DNMT3A: variants seen among roughly 807,000 people sequenced by gnomAD.
DNMT3A encodes the protein DNA methyltransferase 3 alpha, also known as DNA (cytosine-5)-methyltransferase 3A.
In DNMT3A, 267 loss-of-function variants were observed where a neutral mutation model predicts 117.6. The ratio of observed to expected loss-of-function variants is 2.27; its 90% CI spans 2.05 to 2.51. The LOEUF (loss-of-function observed/expected upper bound fraction) is 2.51, where lower values mean the gene tolerates loss of function less well. DNMT3A is among the 30% of genes most tolerant of loss of function. The pLI, the probability that DNMT3A is intolerant of heterozygous loss-of-function variation, is 0.00. For synonymous variants in DNMT3A, 432 were observed against 474.8 expected (o/e 0.91, Z 1.17); for missense variants, 1,029 against 1,260.2 (o/e 0.82, Z 2.78).
chr2:25,255,446 A>C (rs1676026444), intron 6 of DNMT3A, among the ~76,000 whole-genome samples: 1 of 152,248 alleles, frequency 6.6e-6, no homozygotes, highest in Non-Finnish European at 1.5e-5. Context: ...CTGGATGAGA[A>C]GAAAATATGC....
intron 1 of DNMT3A, among the ~76,000 whole-genome samples, chr2:25,336,406 C>G (rs958839893): frequency 1.3e-5 from 2 of 152,104 alleles, no homozygotes; most frequent in African/African-American, 4.8e-5. Flanking sequence ...GAAAAGGGAC[C>G]CTTCTCCACC....
Position 25,247,168 on chromosome 2 carries a change from C to G in DNMT3A, c.1015-10G>C, listed in dbSNP as rs1371960147. 1.2e-6 allele frequency: 2 copies of G among 1,613,030 alleles called. No homozygotes were observed. The highest frequency in any genetic ancestry group is 2.7e-5 in the African/African-American group (2 of 74,862). On this transcript the variant is annotated splice_polypyrimidine_tract_variant and intron_variant, in intron 8 of 22. Coordinates refer to ENST00000321117, the MANE Select transcript of DNMT3A (RefSeq NM_022552.5). This position sits in a 1 kb window ranked among gnomAD's most constrained non-coding sequence, Gnocchi z 5.6. ...GCTTCTCAACACACACCTGGGGGGACAAGCCAGGCCTTGTTTGCCGAGGCT... is the reference window on the plus strand; with the variant it reads ...GCTTCTCAACACACACCTGGGGGGAGAAGCCAGGCCTTGTTTGCCGAGGCT...
At position 25,278,723 on chromosome 2, in the gene DNMT3A, G is replaced by A. The variant is rs192913127; in HGVS notation, c.449-3180C>T. On this transcript the variant is annotated intron_variant, in intron 4 of 22. Coordinates refer to ENST00000321117, the MANE Select transcript of DNMT3A (RefSeq NM_022552.5). ...CGCCTGTAATCCCAGCTACTCCGGA[G>A]GCTGAGGCAGGAGAATCGCTTCAAC... Among the ~76,000 whole-genome samples the A allele has an allele frequency of 1.5e-3, 222 of 152,300 alleles. 1 individual carries two copies. Among genetic ancestry groups the A allele is most frequent in the African/African-American group, 4.9e-3 (204 of 41,550 alleles).
rs1420546010 is a variant in DNMT3A, at chr2:25,286,130, G to A, written c.178-3419C>T. Among the ~76,000 whole-genome samples, 1 of 152,214 alleles carries A rather than the reference G, an allele frequency of 6.6e-6. No homozygotes were observed. The highest frequency in any genetic ancestry group is 1.5e-5 in the Non-Finnish European group (1 of 68,038). ...CTCCACTGTCACTCACTTCCTGCCT[G>A]GGACCACATGGCCTCCTCTCATGCT... On this transcript the variant is annotated intron_variant, in intron 3 of 22. Coordinates refer to ENST00000321117, the MANE Select transcript of DNMT3A (RefSeq NM_022552.5). This position sits in a 1 kb window ranked among gnomAD's most constrained non-coding sequence, Gnocchi z 4.3.
At chr2:25,303,399 G>A (rs2033619831) in intron 2 of DNMT3A, among the ~76,000 whole-genome samples, 1 of 152,202 alleles carries the variant, frequency 6.6e-6, no homozygotes, top group Non-Finnish European at 1.5e-5. Flanking sequence ...CCTACACCAC[G>A]TGTGCAGGGC....
Position 25,241,784 on chromosome 2 carries a change from G to A in DNMT3A, c.1937-77C>T, listed in dbSNP as rs1674088874. On this transcript the variant is annotated intron_variant, in intron 16 of 22. Coordinates refer to ENST00000321117, the MANE Select transcript of DNMT3A (RefSeq NM_022552.5). ...CTGGTCTCGGCAGGTGAGCCTGCTG[G>A]CCAACAGGACCCATGGGGTCAGCTG... The A allele has an allele frequency of 5.1e-6, 8 of 1,561,010 alleles. 1 individual carries two copies. In the South Asian group the frequency reaches 5.9e-5, roughly 11 times the overall value.
At chr2:25,324,416 A>G (rs184816365) in intron 1 of DNMT3A, among the ~76,000 whole-genome samples, 1 of 152,312 alleles carries the variant, frequency 6.6e-6, no homozygotes, top group Admixed American at 6.5e-5. Context: ...CCCTTCGCAA[A>G]TGTGGCAGTT....
In DNMT3A at chr2:25,252,152, T is replaced by TCCCCGCCC. The variant is rs1254584482; in HGVS notation, c.640-3908_640-3901dup. On this transcript the variant is annotated intron_variant, in intron 6 of 22. Coordinates refer to ENST00000321117, the MANE Select transcript of DNMT3A (RefSeq NM_022552.5). The surrounding 1 kb of genome is among the most constrained non-coding windows in gnomAD (Gnocchi z 5.5). ...AGATCCTCCCACCGGCCCTGCCGCC[T>TCCCCGCCC]CCCCGCCCCCGGTCTCCCCGGGGCT... 3 of 1,549,694 alleles carry TCCCCGCCC rather than the reference T, an allele frequency of 1.9e-6. No homozygotes were observed. The East Asian group carries it at 7.5e-5, about 39-fold the overall frequency.
chr2:25,246,072 GGGA>G lies in DNMT3A; in HGVS notation c.1430-11_1430-9del. The G allele has an allele frequency of 6.2e-7, 1 of 1,614,172 alleles. No homozygotes were observed. ...CCTCGTACACCAGCCGCTCTGCAAG[GGGA>G]GGAGAGCTGGCGTCAGAGGAGGCCG... On this transcript the variant is annotated splice_polypyrimidine_tract_variant and intron_variant, in intron 11 of 22. Coordinates refer to ENST00000321117, the MANE Select transcript of DNMT3A (RefSeq NM_022552.5).
At position 25,248,163 on chromosome 2, in the gene DNMT3A, G is replaced by T; in HGVS notation, c.729C>A (p.Ser243Arg). ...PGESQKVEEA[S>R]PPAVQQPTDP... Reference sequence around the variant, plus strand: ...CAGTGGGCTGCTGCACAGCAGGAGGGCTGGCCTCCTCCACCTTCTGAGACT... The same window carrying T: ...CAGTGGGCTGCTGCACAGCAGGAGGTCTGGCCTCCTCCACCTTCTGAGACT... Residue 243 changes from serine (S) to arginine (R), a missense_variant, in exon 7 of 23, where the codon AGC becomes AGA. Physicochemically the swap from Ser to Arg is moderately radical, Grantham distance 110. Transcript: ENST00000321117. 3 of 1,613,846 alleles carry T rather than the reference G, an allele frequency of 1.9e-6. No individual in the cohort carries two copies. The highest frequency in any genetic ancestry group is 2.5e-6 in the Non-Finnish European group (3 of 1,179,936).
intron 2 of DNMT3A, among the ~76,000 whole-genome samples, chr2:25,301,671 C>G (rs1194501321): frequency 6.6e-6 from 1 of 152,178 alleles, no homozygotes; most frequent in African/African-American, 2.4e-5. Flanking sequence ...CATGACTAAT[C>G]CCCAGCAGAA....
intron 1 of DNMT3A, among the ~76,000 whole-genome samples, chr2:25,331,251 T>A (rs559386257): frequency 7.2e-5 from 11 of 152,370 alleles, no homozygotes; most frequent in Admixed American, 5.2e-4. Flanking sequence ...GATGCCACAC[T>A]GCTCCTGGCC....
intron 1 of DNMT3A, among the ~76,000 whole-genome samples, chr2:25,334,298 C>A (rs1293892526): frequency 1.3e-5 from 2 of 152,192 alleles, no homozygotes; most frequent in African/African-American, 4.8e-5. Context: ...CACCTCTCCA[C>A]CCCATCATCT....
chr2:25,244,427 G>A, intron 14 of DNMT3A, 89 bp from the exon 15 acceptor site: 1 of 1,570,550 alleles, frequency 6.4e-7, no homozygotes, highest in Non-Finnish European at 8.7e-7. Flanking sequence ...GACCGGGTCT[G>A]GAGCATGGCT....
chr2:25,315,375 T>C (rs1411479419), intron 1 of DNMT3A, among the ~76,000 whole-genome samples: 2 of 152,276 alleles, frequency 1.3e-5, no homozygotes, highest in East Asian at 3.9e-4. Flanking sequence ...AGGAGCTTCT[T>C]AGGGCCAGGA....
In DNMT3A at chr2:25,246,281, G is replaced by C. The variant is rs1674759282; in HGVS notation, c.1308C>G (p.Tyr436Ter). Residue 436 changes from tyrosine to a stop codon, truncating the protein, a stop_gained, in exon 11 of 23, where the codon TAC becomes TAG. Coordinates refer to ENST00000321117, the MANE Select transcript of DNMT3A (RefSeq NM_022552.5). LOFTEE classifies it high-confidence loss of function. The part of the protein sequence containing the change: ...EEEKNPYKEV[Y>*]TDMWVEPEAA... ...CCTCAGGTTCCACCCACATGTCCGTGTACACTTCTTTGTAGGGATTCTTCT... is the reference window on the plus strand; with the variant it reads ...CCTCAGGTTCCACCCACATGTCCGTCTACACTTCTTTGTAGGGATTCTTCT... 6.2e-7 allele frequency: 1 copy of C among 1,612,674 alleles called. No individual in the cohort carries two copies. Among genetic ancestry groups the C allele is most frequent in the Non-Finnish European group, 8.5e-7 (1 of 1,179,432 alleles).
At chr2:25,324,712 C>G (rs904703476) in intron 1 of DNMT3A, among the ~76,000 whole-genome samples, 1 of 152,176 alleles carries the variant, frequency 6.6e-6, no homozygotes, top group African/African-American at 2.4e-5. Context: ...TCTTCCCCCT[C>G]CTGTCACAAC....
chr2:25,314,821 C>T (rs1279582869), intron 1 of DNMT3A: 2 of 587,298 alleles, frequency 3.4e-6, no homozygotes, highest in Non-Finnish European at 4.3e-6. Flanking sequence ...CATGAACCAG[C>T]CTCATTTGCC....
intron 6 of DNMT3A, among the ~76,000 whole-genome samples, chr2:25,256,326 GC>G (rs1676139368): frequency 6.6e-6 from 1 of 152,010 alleles, no homozygotes; most frequent in Non-Finnish European, 1.5e-5. Context: ...CGCTTTGCCC[GC>G]CCACTTGCTA....
Sources: allele counts gnomAD v4.1 joint callset (sites outside exome capture counted in the v4.1 genomes callset), GRCh38; gene constraint gnomAD v4.1.1; non-coding constraint Gnocchi (gnomAD v3.1); transcripts MANE v1.5; gene names NCBI Gene and HGNC (gene_info 2026-07-23, HGNC 2026-07-21).